PCDH7: variants seen among roughly 807,000 people sequenced by gnomAD.
PCDH7 encodes the protein protocadherin-7.
PCDH7 carries 17 observed loss-of-function variants against 58.9 expected under a neutral mutation model. The observed-to-expected ratio is 0.29, with a 90% CI of 0.20 to 0.43. The LOEUF (loss-of-function observed/expected upper bound fraction) is 0.43, where lower values mean the gene tolerates loss of function less well. Among genes scored for constraint, PCDH7 ranks in the 20% least tolerant of loss-of-function variants. The probability of loss-of-function intolerance (pLI) is 1.00; values close to 1 mark genes in which losing one functional copy is unlikely to be tolerated. For synonymous variants in PCDH7, 664 were observed against 616.4 expected (o/e 1.08, Z -1.14); for missense variants, 1,274 against 1,441.0 (o/e 0.88, Z 1.88).
intron 1 of PCDH7, among the ~76,000 whole-genome samples, chr4:30,877,805 G>A (rs1444525360): frequency 1.3e-5 from 2 of 152,136 alleles, no homozygotes; most frequent in African/African-American, 4.8e-5. Flanking sequence ...AACAGATGGA[G>A]ATGGAAATAT....
chr4:30,953,900 A>G (rs1747597378), intron 3 of PCDH7, among the ~76,000 whole-genome samples: 1 of 152,100 alleles, frequency 6.6e-6, no homozygotes, highest in African/African-American at 2.4e-5. Flanking sequence ...CAAAACAAAA[A>G]TTATTTTTTC....
chr4:30,736,577 CG>C (rs1425287583), downstream of PCDH7, among the ~76,000 whole-genome samples: 5 of 149,134 alleles, frequency 3.4e-5, no homozygotes, highest in Non-Finnish European at 3.0e-5. Context: ...GCTCTGCCGC[CG>C]GGGCTGGAGT....
intron 3 of PCDH7, among the ~76,000 whole-genome samples, chr4:31,028,123 G>A (rs1301244337): frequency 1.3e-5 from 2 of 151,952 alleles, no homozygotes; most frequent in Non-Finnish European, 2.9e-5. Context: ...TATTTATTTT[G>A]TATGGTACTG....
At position 30,721,318 on chromosome 4, in the gene PCDH7, G is replaced by A; in HGVS notation, c.-105G>A. Reference sequence around the variant, plus strand: ...CCTCCCTCTCGCTCCTTCCTTTCCGGGAGAGGGGAGAGGACTCGGGGGAGG... The same window carrying A: ...CCTCCCTCTCGCTCCTTCCTTTCCGAGAGAGGGGAGAGGACTCGGGGGAGG... On this transcript the variant is annotated 5_prime_UTR_variant, in exon 1 of 2. Transcript: ENST00000361762. This position sits in a 1 kb window ranked among gnomAD's most constrained non-coding sequence, Gnocchi z 6.7. 3 of 1,144,806 alleles carry A rather than the reference G, an allele frequency of 2.6e-6. No homozygotes were observed. The highest frequency in any genetic ancestry group is 3.6e-6 in the Non-Finnish European group (3 of 843,556). 70.9% of individuals were successfully genotyped at this position (1,144,806 alleles called of 1,614,324 possible).
intron 1 of PCDH7, among the ~76,000 whole-genome samples, chr4:30,812,182 T>C (rs1329103321): frequency 2.0e-5 from 3 of 152,204 alleles, no homozygotes; most frequent in African/African-American, 7.2e-5. Flanking sequence ...TTTAAAAGTT[T>C]ACCATTGTAT....
At chr4:30,989,217 A>G (rs1263778786) in intron 3 of PCDH7, among the ~76,000 whole-genome samples, 1 of 152,122 alleles carries the variant, frequency 6.6e-6, no homozygotes, top group African/African-American at 2.4e-5. Flanking sequence ...ATTTCTCATG[A>G]TCTGTCACAA....
At chr4:30,851,646 T>C (rs1164168663) in intron 1 of PCDH7, among the ~76,000 whole-genome samples, 1 of 152,028 alleles carries the variant, frequency 6.6e-6, no homozygotes, top group Admixed American at 6.6e-5. Flanking sequence ...AAAGATGCCT[T>C]TTGGAAATGG....
At position 30,778,069 on chromosome 4, in the gene PCDH7, G is replaced by C. The variant is rs78177690; in HGVS notation, c.70+53473G>C. On this transcript the variant is annotated intron_variant, in intron 1 of 3. Transcript: ENST00000509759. ...TAGTGCAGTCTTCATTTTATTTCCA[G>C]TCCAAGATGCCAAAGGTCACTTCAT... 4.2e-3 allele frequency among the ~76,000 whole-genome samples: 644 copies of C among 151,956 alleles called. 6 individuals carry two copies. The highest frequency in any genetic ancestry group is 0.015 in the African/African-American group (616 of 41,464).
At chr4:30,977,492 T>C (rs1162976173) in intron 3 of PCDH7, among the ~76,000 whole-genome samples, 2 of 152,134 alleles carry the variant, frequency 1.3e-5, no homozygotes, top group Non-Finnish European at 2.9e-5. Flanking sequence ...AAATAAGATT[T>C]TTCTTCTTCC....
At chr4:30,833,657 C>A (rs1359275547) in intron 1 of PCDH7, among the ~76,000 whole-genome samples, 3 of 152,012 alleles carry the variant, frequency 2.0e-5, no homozygotes, top group African/African-American at 7.2e-5. Context: ...TTATTCTGCA[C>A]AAAGGTGCAG....
At chr4:31,004,156 C>T (rs750286306) in intron 3 of PCDH7, among the ~76,000 whole-genome samples, 4 of 152,070 alleles carry the variant, frequency 2.6e-5, no homozygotes, top group Non-Finnish European at 4.4e-5. Context: ...TGATAAAAAA[C>T]TGTTACATTG....
chr4:30,961,411 GT>G (rs1560536276), intron 3 of PCDH7, among the ~76,000 whole-genome samples: 1 of 151,708 alleles, frequency 6.6e-6, no homozygotes, highest in Non-Finnish European at 1.5e-5. Context: ...AATTTGCCAG[GT>G]GTGGTAGCGG....
chr4:31,074,990 T>G (rs2109258691), intron 3 of PCDH7, among the ~76,000 whole-genome samples: 1 of 152,102 alleles, frequency 6.6e-6, no homozygotes, highest in Non-Finnish European at 1.5e-5. Context: ...TACAAAGTAC[T>G]TATTAAGGCT....
intron 1 of PCDH7, among the ~76,000 whole-genome samples, chr4:30,810,273 T>C (rs1474851647): frequency 4.6e-5 from 7 of 152,136 alleles, no homozygotes; most frequent in Admixed American, 2.6e-4. Context: ...TCTGCTACAA[T>C]ATCCATAATA....
At chr4:31,127,907 A>G (rs199621331) in intron 3 of PCDH7, among the ~76,000 whole-genome samples, 1 of 151,432 alleles carries the variant, frequency 6.6e-6, no homozygotes, top group African/African-American at 2.4e-5. Context: ...ATATAATATG[A>G]TTAAATTATA....
rs182187224 is a variant in PCDH7 at position 31,099,232 on chromosome 4, G to A, written c.*8-43241G>A. Among the ~76,000 whole-genome samples the A allele has an allele frequency of 2.0e-5, 3 of 152,256 alleles. No homozygotes were observed. The East Asian group carries it at 5.8e-4, about 29-fold the overall frequency. ...CCTTAGTTACACAGCCAGAAAGGGG[G>A]CAAAGGAAAGTCACTGTGCCCTGTG... On this transcript the variant is annotated intron_variant, in intron 3 of 3. Coordinates refer to the PCDH7 transcript ENST00000509759.
intron 3 of PCDH7, among the ~76,000 whole-genome samples, chr4:30,984,281 C>G (rs564931462): frequency 8.5e-5 from 13 of 152,224 alleles, no homozygotes; most frequent in Non-Finnish European, 1.8e-4. Flanking sequence ...AAGTGATATT[C>G]TTGGATAAAG....
intron 1 of PCDH7, among the ~76,000 whole-genome samples, chr4:30,832,250 G>A (rs1238148783): frequency 6.6e-6 from 1 of 152,076 alleles, no homozygotes; most frequent in Admixed American, 6.6e-5. Context: ...GAAGAATTTT[G>A]TCTCACTTAT....
rs576616466 is a variant in PCDH7 at position 30,788,099 on chromosome 4, C to T, written c.70+63503C>T. Among the ~76,000 whole-genome samples, 5 of 152,070 alleles carry T rather than the reference C, an allele frequency of 3.3e-5. No homozygotes were observed. In the East Asian group the frequency reaches 7.7e-4, roughly 24 times the overall value. On this transcript the variant is annotated intron_variant, in intron 1 of 3. Coordinates refer to the PCDH7 transcript ENST00000509759. ...TCCTCCTTCAGGCTGTCTCACATAG[C>T]GGCAGGATGTGAATCATGGGTGCTA...
Sources: gnomAD v4.1 joint callset for allele counts (sites outside exome capture counted in the v4.1 genomes callset) on GRCh38, gnomAD v4.1.1 for gene constraint, Gnocchi (gnomAD v3.1) non-coding constraint, MANE v1.5 for transcripts, NCBI Gene and HGNC (gene_info 2026-07-23, HGNC 2026-07-21) for gene names.